Variants in DNM1 observed in about 807,000 individuals in gnomAD.
DNM1 encodes the protein dynamin-1.
A neutral mutation model predicts 104.6 loss-of-function variants in DNM1; 29 were observed. That is an observed-to-expected ratio of 0.28 (90% CI 0.21 to 0.38). DNM1 has a LOEUF of 0.38. Ranked by LOEUF, DNM1 falls within the 10% of genes least tolerant of loss-of-function variation. The pLI, the probability that DNM1 is intolerant of heterozygous loss-of-function variation, is 1.00. For missense variants in DNM1, 640 were observed against 1,189.4 expected (o/e 0.54, Z 6.79); for synonymous variants, 445 against 475.8 (o/e 0.94, Z 0.84).
chr9:128,243,841 G>A lies in DNM1; in HGVS notation c.1671+1496G>A, dbSNP rs1836563063. On this transcript the variant is annotated intron_variant, in intron 15 of 21. Coordinates refer to ENST00000372923, the MANE Select transcript of DNM1 (RefSeq NM_004408.4). This position sits in a 1 kb window ranked among gnomAD's most constrained non-coding sequence, Gnocchi z 4.0. ...CTGCAGGCCTTTCTGGAGCTTTTGT[G>A]TACATCTGAGTTAAGTCGTGTGCGA... 6.6e-6 allele frequency among the ~76,000 whole-genome samples: 1 copy of A among 152,166 alleles called. No homozygotes were observed. Among genetic ancestry groups the A allele is most frequent in the African/African-American group, 2.4e-5 (1 of 41,432 alleles).
At position 128,250,870 on chromosome 9, in the gene DNM1, T is replaced by G; in HGVS notation, c.2464T>G (p.Ser822Ala). ...APPVPSRPGA[S>A]PDPFGPPPQV... ...CCCCGTGCCCTCCAGGCCGGGGGCTTCCCCTGACCCTTTCGGCCCTCCCCC... is the reference window on the plus strand; with the variant it reads ...CCCCGTGCCCTCCAGGCCGGGGGCTGCCCCTGACCCTTTCGGCCCTCCCCC... The change falls in exon 21 of 22, where the codon TCC becomes GCC. Residue 822 changes from serine (S) to alanine (A), a missense_variant. Physicochemically the swap from Ser to Ala is moderately conservative, Grantham distance 99 (BLOSUM62 1). Around this residue, in one of 7 missense-constraint regions of DNM1, gnomAD observed 129 missense variants for 224.6 expected, o/e 0.57. Transcript: ENST00000372923. 1 of 1,309,778 alleles carries G rather than the reference T, an allele frequency of 7.6e-7. No individual in the cohort carries two copies. Among genetic ancestry groups the G allele is most frequent in the Non-Finnish European group, 9.7e-7 (1 of 1,034,308 alleles). 81.1% of individuals were successfully genotyped at this position (1,309,778 alleles called of 1,614,324 possible).
intron 11 of DNM1, 122 bp from the exon 12 acceptor site, chr9:128,239,323 T>C (rs1312409256): frequency 1.4e-6 from 1 of 734,548 alleles, no homozygotes; most frequent in Non-Finnish European, 2.4e-6. Context: ...TGGTAGGGAC[T>C]ATATTTATTA....
chr9:128,213,296 G>A (rs1834416743), intron 1 of DNM1, among the ~76,000 whole-genome samples: 2 of 152,040 alleles, frequency 1.3e-5, no homozygotes, highest in African/African-American at 4.8e-5. Context: ...TGGCCAGGCT[G>A]GTCTCAAACT....
chr9:128,231,974 C>T (rs1297750587), intron 10 of DNM1: 1 of 456,492 alleles, frequency 2.2e-6, no homozygotes, highest in East Asian at 7.0e-5. Flanking sequence ...GGGGAACGTT[C>T]CTTTTGAAAA....
intron 1 of DNM1, among the ~76,000 whole-genome samples, chr9:128,208,370 A>G (rs1240954037): frequency 6.6e-6 from 1 of 152,114 alleles, no homozygotes; most frequent in Non-Finnish European, 1.5e-5. Flanking sequence ...TCTGCTCTGC[A>G]TTCTATCCCA....
In DNM1 at chr9:128,240,424, T is replaced by C; in HGVS notation, c.1557+428T>C. On this transcript the variant is annotated intron_variant, in intron 14 of 21. Transcript: ENST00000372923. This position sits in a 1 kb window ranked among gnomAD's most constrained non-coding sequence, Gnocchi z 5.1. ...CACCTGGCCTCCTGCTCTCTGTCCT[T>C]AGATGTCTGCGGAAACATCCCTCGT... 1 of 193,830 alleles carries C rather than the reference T, an allele frequency of 5.2e-6. No homozygotes were observed. Among genetic ancestry groups the C allele is most frequent in the Non-Finnish European group, 1.1e-5 (1 of 94,732 alleles). The allele number at this position is 193,830 out of a possible 1,614,324, so 12.0% of individuals were successfully genotyped here. A position where few individuals can be genotyped will look rare whatever the true frequency, so the allele number is the denominator to read the frequency against.
chr9:128,218,890 C>G lies in DNM1; in HGVS notation c.385+159C>G. On this transcript the variant is annotated intron_variant, in intron 3 of 21. Transcript: ENST00000372923. This position sits in a 1 kb window ranked among gnomAD's most constrained non-coding sequence, Gnocchi z 4.8. ...CTGCCGTGATTCCGCCCACTTCCGG[C>G]CACGCCTCCAACAGACTGCCACTTT... is the stretch of plus-strand genomic sequence containing the variant. 3.1e-6 allele frequency: 4 copies of G among 1,290,314 alleles called. No individual in the cohort carries two copies. Among genetic ancestry groups the G allele is most frequent in the Non-Finnish European group, 4.2e-6 (4 of 947,022 alleles). The allele number at this position is 1,290,314 out of a possible 1,614,324, so 79.9% of individuals were successfully genotyped here.
At position 128,224,867 on chromosome 9, in the gene DNM1, G is replaced by A. The variant is rs1460762706; in HGVS notation, c.1335+478G>A. The stretch of plus-strand genomic sequence containing the variant: ...GGACTAGCAGGTGCCCTGGCTCCCC[G>A]CTGTCCTTCATCCTCCCCATACTCA... On this transcript the variant is annotated intron_variant, in intron 10 of 21. Transcript: ENST00000372923. This position sits in a 1 kb window ranked among gnomAD's most constrained non-coding sequence, Gnocchi z 4.3. Among the ~76,000 whole-genome samples, 3 of 152,110 alleles carry A rather than the reference G, an allele frequency of 2.0e-5. No homozygotes were observed. Among genetic ancestry groups the A allele is most frequent in the Non-Finnish European group, 2.9e-5 (2 of 67,986 alleles).
intron 10 of DNM1, among the ~76,000 whole-genome samples, chr9:128,230,382 C>T (rs995719347): frequency 6.7e-5 from 10 of 149,794 alleles, no homozygotes; most frequent in African/African-American, 2.4e-4. Context: ...GCGTATTCAC[C>T]ATAGGAATCT....
Position 128,253,042 on chromosome 9 carries a change from C to T in DNM1, c.2535-1612C>T, listed in dbSNP as rs1564357106. ...CGTGTGCGTGTGTGTGTCCCCCACC[C>T]CCAGGCCGGCCCCACCCGTGCGTGT... is the stretch of plus-strand genomic sequence containing the variant. On this transcript the variant is annotated intron_variant, in intron 21 of 21. Coordinates refer to ENST00000372923, the MANE Select transcript of DNM1 (RefSeq NM_004408.4). The surrounding 1 kb of genome is among the most constrained non-coding windows in gnomAD (Gnocchi z 5.9). 11 of 1,586,528 alleles carry T rather than the reference C, an allele frequency of 6.9e-6. No individual in the cohort carries two copies. Among genetic ancestry groups the T allele is most frequent in the Middle Eastern group, 3.8e-4 (2 of 5,250 alleles).
At chr9:128,233,897 G>A (rs41276644) in intron 10 of DNM1, 124 bp from the exon 11 acceptor site, 324 of 839,042 alleles carry the variant, frequency 3.9e-4, no homozygotes, top group African/African-American at 2.6e-3. Flanking sequence ...TCTCTTCCCC[G>A]CGTTGTGGGC....
In DNM1 at chr9:128,203,805, C is replaced by T. The variant is rs1184333859; in HGVS notation, c.161+174C>T. Among the ~76,000 whole-genome samples, 2 of 149,960 alleles carry T rather than the reference C, an allele frequency of 1.3e-5. No homozygotes were observed. Among genetic ancestry groups the T allele is most frequent in the Non-Finnish European group, 3.0e-5 (2 of 67,192 alleles). On this transcript the variant is annotated intron_variant, in intron 1 of 21. Transcript: ENST00000372923. The surrounding 1 kb of genome is among the most constrained non-coding windows in gnomAD (Gnocchi z 5.3). ...CCCTCCCCCCACCACGAGAGCCCCT[C>T]GGGGCAGCAGCGCCCCCCGCTAGTC...
chr9:128,218,453 T>C lies in DNM1; in HGVS notation c.236-129T>C, dbSNP rs996157842. Reference sequence around the variant, plus strand: ...GGATAGCGGGGATCAAAATACATAATGGAGACGTGGGTGGTGGTTCTGCTT... The same window carrying C: ...GGATAGCGGGGATCAAAATACATAACGGAGACGTGGGTGGTGGTTCTGCTT... On this transcript the variant is annotated intron_variant, in intron 2 of 21. Coordinates refer to ENST00000372923, the MANE Select transcript of DNM1 (RefSeq NM_004408.4). The surrounding 1 kb of genome is among the most constrained non-coding windows in gnomAD (Gnocchi z 4.8). The C allele has an allele frequency of 5.7e-6, 8 of 1,393,540 alleles. No homozygotes were observed. In the African/African-American group the frequency reaches 7.1e-5, roughly 12 times the overall value. The allele number at this position is 1,393,540 out of a possible 1,614,324, so 86.3% of individuals were successfully genotyped here. A position where few individuals can be genotyped will look rare whatever the true frequency, so the allele number is the denominator to read the frequency against.
Position 128,218,455 on chromosome 9 carries a change from G to C in DNM1, c.236-127G>C. On this transcript the variant is annotated intron_variant, in intron 2 of 21. Transcript: ENST00000372923. The surrounding 1 kb of genome is among the most constrained non-coding windows in gnomAD (Gnocchi z 4.8). ...ATAGCGGGGATCAAAATACATAATG[G>C]AGACGTGGGTGGTGGTTCTGCTTGG... is the stretch of plus-strand genomic sequence containing the variant. The C allele has an allele frequency of 7.2e-7, 1 of 1,395,324 alleles. No homozygotes were observed. Among genetic ancestry groups the C allele is most frequent in the Admixed American group, 1.7e-5 (1 of 57,776 alleles). 86.4% of individuals were successfully genotyped at this position (1,395,324 alleles called of 1,614,324 possible).
chr9:128,243,428 C>T lies in DNM1; in HGVS notation c.1671+1083C>T, dbSNP rs1423795005. Among the ~76,000 whole-genome samples the T allele has an allele frequency of 6.6e-6, 1 of 152,166 alleles. No homozygotes were observed. The highest frequency in any genetic ancestry group is 6.5e-5 in the Admixed American group (1 of 15,288). The stretch of plus-strand genomic sequence containing the variant: ...TCTGGGTGGGGCCTGTGATTTTGGC[C>T]TCCAAGCCCCCTCCCAGGTCCCTGT... On this transcript the variant is annotated intron_variant, in intron 15 of 21. Coordinates refer to ENST00000372923, the MANE Select transcript of DNM1 (RefSeq NM_004408.4). This position sits in a 1 kb window ranked among gnomAD's most constrained non-coding sequence, Gnocchi z 4.0.
In DNM1 at chr9:128,250,892, C is replaced by G. The variant is rs1344664960; in HGVS notation, c.2486C>G (p.Pro829Arg). The G allele has an allele frequency of 7.3e-7, 1 of 1,364,722 alleles. No individual in the cohort carries two copies. Among genetic ancestry groups the G allele is most frequent in the South Asian group, 1.8e-5 (1 of 55,726 alleles). 84.5% of individuals were successfully genotyped at this position (1,364,722 alleles called of 1,614,324 possible). ...PGASPDPFGPPPQVPSRPNRA... is the reference protein window; with the variant it reads ...PGASPDPFGPRPQVPSRPNRA... ...GCTTCCCCTGACCCTTTCGGCCCTC[C>G]CCCTCAGGTGCCCTCGCGCCCCAAC... Residue 829 changes from proline to arginine, a missense_variant, in exon 21 of 22, where the codon CCC (proline) becomes CGC (arginine). Transcript: ENST00000372923.
intron 1 of DNM1, among the ~76,000 whole-genome samples, chr9:128,209,588 G>C (rs1834171017): frequency 6.6e-6 from 1 of 152,226 alleles, no homozygotes; most frequent in Admixed American, 6.5e-5. Flanking sequence ...CTGACCAGCT[G>C]GGTTTGAATT....
chr9:128,204,251 G>A (rs1284579306), intron 1 of DNM1: 1 of 152,522 alleles, frequency 6.6e-6, no homozygotes, highest in Admixed American at 6.5e-5. Flanking sequence ...TGCAGGATGA[G>A]GAAGGGAAGA....
Position 128,253,023 on chromosome 9 carries a change from CGT to C in DNM1, c.2535-1622_2535-1621del, listed in dbSNP as rs144778049. 21 of 1,421,132 alleles carry C rather than the reference CGT, an allele frequency of 1.5e-5. No individual in the cohort carries two copies. Among genetic ancestry groups the C allele is most frequent in the Admixed American group, 3.4e-5 (2 of 59,490 alleles). The allele number at this position is 1,421,132 out of a possible 1,614,324, so 88.0% of individuals were successfully genotyped here. A position where few individuals can be genotyped will look rare whatever the true frequency, so the allele number is the denominator to read the frequency against. Reference sequence around the variant, plus strand: ...ATGTGTGTGCACGCCCGGGCGTGTGCGTGTGTGTGTCCCCCACCCCCAGGCCG... The same window carrying C: ...ATGTGTGTGCACGCCCGGGCGTGTGCGTGTGTGTCCCCCACCCCCAGGCCG... On this transcript the variant is annotated intron_variant, in intron 21 of 21. Transcript: ENST00000372923. The surrounding 1 kb of genome is among the most constrained non-coding windows in gnomAD (Gnocchi z 5.9).
Sources: gnomAD v4.1 joint callset for allele counts (sites outside exome capture counted in the v4.1 genomes callset) on GRCh38, gnomAD v4.1.1 for gene constraint, gnomAD v4.1.1 regional missense constraint, Gnocchi (gnomAD v3.1) non-coding constraint, MANE v1.5 for transcripts, NCBI Gene and HGNC (gene_info 2026-07-23, HGNC 2026-07-21) for gene names.